Variants in JAK1 observed in about 807,000 individuals in gnomAD.
JAK1 encodes tyrosine-protein kinase JAK1.
A neutral mutation model predicts 136.6 loss-of-function variants in JAK1; 16 were observed. The ratio of observed to expected loss-of-function variants is 0.12; its 90% CI spans 0.08 to 0.18. The LOEUF is 0.18. Ranked by LOEUF, JAK1 falls within the 10% of genes least tolerant of loss-of-function variation. JAK1 has a pLI of 1.00. For synonymous variants in JAK1, 492 were observed against 519.5 expected (o/e 0.95, Z 0.72); for missense variants, 859 against 1,450.1 (o/e 0.59, Z 6.62).
At chr1:64,879,218 A>C in intron 3 of JAK1, 70 bp from the exon 4 acceptor site, 2 of 1,562,188 alleles carry the variant, frequency 1.3e-6, no homozygotes, top group Middle Eastern at 3.4e-4. Context: ...TCTAAACCCA[A>C]TATATGCAAA....
At chr1:64,868,597 T>C (rs1656860288) in intron 6 of JAK1, among the ~76,000 whole-genome samples, 1 of 152,176 alleles carries the variant, frequency 6.6e-6, no homozygotes, top group Admixed American at 6.5e-5. Flanking sequence ...TGATCTGCTC[T>C]AGACTCTGGT....
upstream of JAK1, among the ~76,000 whole-genome samples, chr1:64,970,743 G>A (rs535451824): frequency 1.4e-3 from 207 of 144,432 alleles, 1 homozygote; most frequent in African/African-American, 5.0e-3. Context: ...CAGCCTAGAC[G>A]ACAGAGAGAC....
At chr1:64,969,200 G>T (rs1434347925), upstream of JAK1, among the ~76,000 whole-genome samples, 1 of 151,680 alleles carries the variant, frequency 6.6e-6, no homozygotes, top group Non-Finnish European at 1.5e-5. Context: ...TAAAATAGTG[G>T]GTTTTTTTTT....
At chr1:64,872,494 G>GT (rs1350241548) in intron 5 of JAK1, among the ~76,000 whole-genome samples, 1 of 152,116 alleles carries the variant, frequency 6.6e-6, no homozygotes, top group Non-Finnish European at 1.5e-5. Context: ...TGCTTTCACA[G>GT]TACTTTCCAT....
At chr1:64,947,721 G>C (rs1646013198) in intron 1 of JAK1, among the ~76,000 whole-genome samples, 1 of 151,582 alleles carries the variant, frequency 6.6e-6, no homozygotes, top group Admixed American at 6.6e-5. Flanking sequence ...TTTCACCACA[G>C]ATTGTTTTGG....
chr1:65,000,813 T>C (rs1275168351), intron 2 of JAK1, among the ~76,000 whole-genome samples: 1 of 152,284 alleles, frequency 6.6e-6, no homozygotes, highest in South Asian at 2.1e-4. Context: ...TTTTCTGCAA[T>C]GAATAATAAT....
chr1:64,985,420 G>A, intron 2 of JAK1: 1 of 1,609,470 alleles, frequency 6.2e-7, no homozygotes, highest in South Asian at 1.1e-5. Context: ...AACCACTGGA[G>A]GATCTCCTTA....
chr1:64,965,992 G>C (rs1457942605), intron 1 of JAK1, among the ~76,000 whole-genome samples: 1 of 152,028 alleles, frequency 6.6e-6, no homozygotes, highest in African/African-American at 2.4e-5. Flanking sequence ...CTGTATCTCG[G>C]GGTGGTATAA....
chr1:65,043,509 T>C (rs1275851485), intron 2 of JAK1, among the ~76,000 whole-genome samples: 1 of 152,048 alleles, frequency 6.6e-6, no homozygotes, highest in Non-Finnish European at 1.5e-5. Flanking sequence ...TTACATAGCA[T>C]ATGATTATAT....
Position 64,847,594 on chromosome 1 carries a change from C to T in JAK1, c.1837G>A (p.Glu613Lys). 1 of 1,614,106 alleles carries T rather than the reference C, an allele frequency of 6.2e-7. No homozygotes were observed. Among genetic ancestry groups the T allele is most frequent in the Non-Finnish European group, 8.5e-7 (1 of 1,179,988 alleles). ...MDYKDDEGTS[E>K]EKKIKVILKV... ...AGGATCACTTTTATCTTCTTCTCTT[C>T]AGAAGTTCCTTCGTCATCCTTGTAA... Residue 613 changes from glutamate to lysine, a missense_variant, in exon 13 of 25, where the codon GAA becomes AAA. By Grantham distance (56) the Glu-to-Lys change is moderately conservative. Coordinates refer to ENST00000342505, the MANE Select transcript of JAK1 (RefSeq NM_002227.4).
At chr1:65,005,300 C>T (rs867859656) in intron 2 of JAK1, among the ~76,000 whole-genome samples, 8 of 151,430 alleles carry the variant, frequency 5.3e-5, no homozygotes, top group East Asian at 3.9e-4. Context: ...GCCGAGATCA[C>T]GCCATTGCTC....
intron 4 of JAK1, chr1:64,876,294 C>T (rs1241095771): frequency 1.3e-5 from 2 of 152,270 alleles, no homozygotes; most frequent in East Asian, 1.9e-4. Context: ...AGATGAGGGC[C>T]CAACAAACTC....
rs538777818 is a variant in JAK1 at position 64,943,998 on chromosome 1, G to A, written c.-78+22335C>T. 4.0e-5 allele frequency among the ~76,000 whole-genome samples: 6 copies of A among 151,782 alleles called. No individual in the cohort carries two copies. In the East Asian group the frequency reaches 7.8e-4, roughly 20 times the overall value. ...AGCACTTTGGGAGGCCGAGGTAGGC[G>A]GATCACGAGGTCAGGAGATCAAGAC... On this transcript the variant is annotated intron_variant, in intron 1 of 24. Coordinates refer to ENST00000342505, the MANE Select transcript of JAK1 (RefSeq NM_002227.4).
chr1:65,067,404 G>A (rs1364185367), intron 1 of JAK1, among the ~76,000 whole-genome samples: 4 of 148,844 alleles, frequency 2.7e-5, no homozygotes, highest in African/African-American at 9.7e-5. Flanking sequence ...GCGTCCCCAG[G>A]CCGGCTCCGA....
intron 2 of JAK1, among the ~76,000 whole-genome samples, chr1:65,041,619 C>T (rs1054058011): frequency 6.6e-6 from 1 of 152,156 alleles, no homozygotes; most frequent in Admixed American, 6.5e-5. Context: ...TTCACAGGAA[C>T]CATGGGGCGC....
intron 1 of JAK1, among the ~76,000 whole-genome samples, chr1:64,910,694 C>T (rs1476031452): frequency 6.6e-6 from 1 of 151,974 alleles, no homozygotes; most frequent in East Asian, 1.9e-4. Context: ...ATTAGCCAGG[C>T]ATGGTGGCGA....
intron 2 of JAK1, among the ~76,000 whole-genome samples, chr1:64,995,396 C>A (rs1352293078): frequency 6.6e-6 from 1 of 152,062 alleles, no homozygotes; most frequent in Non-Finnish European, 1.5e-5. Context: ...CACTGAATGC[C>A]CTAAACGGAA....
chr1:64,907,829 G>T (rs1186929166), intron 1 of JAK1, among the ~76,000 whole-genome samples: 2 of 152,160 alleles, frequency 1.3e-5, no homozygotes, highest in Non-Finnish European at 2.9e-5. Context: ...AAACGCACAT[G>T]TCTCTTTACT....
At chr1:65,004,941 C>T (rs143894001) in intron 2 of JAK1, among the ~76,000 whole-genome samples, 62 of 152,238 alleles carry the variant, frequency 4.1e-4, no homozygotes, top group African/African-American at 1.4e-3. Flanking sequence ...ATACTAATGT[C>T]TAAAAATTTT....
Sources: allele counts gnomAD v4.1 joint callset (sites outside exome capture counted in the v4.1 genomes callset), GRCh38; gene constraint gnomAD v4.1.1; transcripts MANE v1.5; gene names NCBI Gene and HGNC (gene_info 2026-07-23, HGNC 2026-07-21).